The following GRID2 variants were observed in gnomAD, a reference collection of about 807,000 sequenced individuals.
GRID2 encodes the protein glutamate ionotropic receptor delta type subunit 2, also known as glutamate receptor ionotropic, delta-2.
In GRID2, 33 loss-of-function variants were observed where a neutral mutation model predicts 114.8. The ratio of observed to expected loss-of-function variants is 0.29; its 90% confidence interval spans 0.22 to 0.38. GRID2 has a LOEUF of 0.38. Ranked by LOEUF, GRID2 falls within the 10% of genes least tolerant of loss-of-function variation. GRID2 has a pLI of 1.00. For synonymous variants in GRID2, 505 were observed against 449.9 expected (o/e 1.12, Z -1.55); for missense variants, 1,184 against 1,257.7 (o/e 0.94, Z 0.89).
intron 2 of GRID2, among the ~76,000 whole-genome samples, chr4:92,643,951 AT>A (rs1731487367): frequency 6.6e-6 from 1 of 151,802 alleles, no homozygotes; most frequent in South Asian, 2.1e-4. Flanking sequence ...ATATTAGTAA[AT>A]TACTATACAC....
chr4:92,923,054 A>C (rs562876778), intron 2 of GRID2, among the ~76,000 whole-genome samples: 1 of 152,336 alleles, frequency 6.6e-6, no homozygotes, highest in Middle Eastern at 3.4e-3. Flanking sequence ...TACCTCAATA[A>C]AAAAGTTGTT....
At chr4:92,789,393 C>T (rs1209996551) in intron 2 of GRID2, among the ~76,000 whole-genome samples, 1 of 151,804 alleles carries the variant, frequency 6.6e-6, no homozygotes, top group Non-Finnish European at 1.5e-5. Flanking sequence ...TCAAATATAA[C>T]CTGACTTTTA....
chr4:93,543,724 G>T (rs1225506467), intron 13 of GRID2, among the ~76,000 whole-genome samples: 1 of 151,120 alleles, frequency 6.6e-6, no homozygotes, highest in Non-Finnish European at 1.5e-5. Context: ...GAGAGAGAGA[G>T]AGAGAGAGAG....
In GRID2 at chr4:92,526,029, C is replaced by G. The variant is rs550450758; in HGVS notation, c.89-64102C>G. ...CAGAGGTTCTATGGTTTGTAGGAAGCTGATCAAGTTAAGAGTAGATGGTAT... is the reference window on the plus strand; with the variant it reads ...CAGAGGTTCTATGGTTTGTAGGAAGGTGATCAAGTTAAGAGTAGATGGTAT... On this transcript the variant is annotated intron_variant, in intron 1 of 15. Coordinates refer to ENST00000282020, the MANE Select transcript of GRID2 (RefSeq NM_001510.4). Among the ~76,000 whole-genome samples, 43 of 152,058 alleles carry G rather than the reference C, an allele frequency of 2.8e-4. No homozygotes were observed. The South Asian group carries it at 8.9e-3, about 32-fold the overall frequency.
At chr4:92,385,742 T>G (rs1233374520) in intron 1 of GRID2, among the ~76,000 whole-genome samples, 1 of 151,590 alleles carries the variant, frequency 6.6e-6, no homozygotes, top group East Asian at 1.9e-4. Flanking sequence ...GTGTCCTACT[T>G]TTGTACATTT....
rs1200004401 is a variant in GRID2 at position 92,688,046 on chromosome 4, T to C, written c.244+97760T>C. ...GTTGACCCTTCTTCTTCTTTTTTTT[T>C]TTTTTTTTTTTTTTTTTTTTGGGAT... On this transcript the variant is annotated intron_variant, in intron 2 of 15. Transcript: ENST00000282020. Among the ~76,000 whole-genome samples the C allele has an allele frequency of 2.2e-4, 26 of 119,210 alleles. 1 individual carries two copies. Among genetic ancestry groups the C allele is most frequent in the African/African-American group, 4.2e-4 (13 of 31,014 alleles). 78.2% of individuals were successfully genotyped at this position (119,210 alleles called of 152,430 possible). A position where few individuals can be genotyped will look rare whatever the true frequency, so the allele number is the denominator to read the frequency against.
intron 1 of GRID2, among the ~76,000 whole-genome samples, chr4:92,529,527 T>C (rs1725226044): frequency 6.6e-6 from 1 of 152,006 alleles, no homozygotes; most frequent in Non-Finnish European, 1.5e-5. Flanking sequence ...AATTATCAGG[T>C]ACAAAGACAT....
rs565184618 is a variant in GRID2 at position 93,109,666 on chromosome 4, C to G, written c.530-1082C>G. The stretch of plus-strand genomic sequence containing the variant: ...CCTACAATCCCATTTACTTGTTTCT[C>G]TAGTATTTGCCCTTTAAATATTTTA... On this transcript the variant is annotated intron_variant, in intron 3 of 15. Coordinates refer to ENST00000282020, the MANE Select transcript of GRID2 (RefSeq NM_001510.4). 1.1e-4 allele frequency among the ~76,000 whole-genome samples: 16 copies of G among 152,038 alleles called. No individual in the cohort carries two copies. The South Asian group carries it at 3.3e-3, about 32-fold the overall frequency.
chr4:93,127,160 C>A (rs1195034659), intron 4 of GRID2, among the ~76,000 whole-genome samples: 1 of 152,084 alleles, frequency 6.6e-6, no homozygotes, highest in Non-Finnish European at 1.5e-5. Flanking sequence ...AGATCGTTTG[C>A]ATTTTATTTT....
intron 8 of GRID2, 51 bp from the exon 9 acceptor site, chr4:93,395,556 A>C (rs1765246834): frequency 1.2e-6 from 1 of 804,652 alleles, no homozygotes. Flanking sequence ...TACAGAGGTG[A>C]TGGGACTGTT....
chr4:93,682,959 A>T (rs1191694618), intron 14 of GRID2, among the ~76,000 whole-genome samples: 1 of 151,868 alleles, frequency 6.6e-6, no homozygotes, highest in African/African-American at 2.4e-5. Context: ...AAAGAAAAGA[A>T]AAACACCCGT....
At chr4:93,356,697 C>T (rs966926509) in intron 8 of GRID2, among the ~76,000 whole-genome samples, 20 of 151,784 alleles carry the variant, frequency 1.3e-4, no homozygotes, top group Admixed American at 3.3e-4. Context: ...TAAAACATAA[C>T]GTGTAAACAA....
chr4:92,533,184 G>T (rs370072366), intron 1 of GRID2, among the ~76,000 whole-genome samples: 7,132 of 142,340 alleles, frequency 0.05, 258 homozygotes, highest in Middle Eastern at 0.14. Context: ...ACTTTGGTGT[G>T]TTTTTTTGTT....
intron 2 of GRID2, among the ~76,000 whole-genome samples, chr4:92,894,404 A>G (rs1183176682): frequency 6.6e-6 from 1 of 152,108 alleles, no homozygotes; most frequent in Non-Finnish European, 1.5e-5. Context: ...GGCCAGGAGG[A>G]TAGACTATAA....
chr4:92,975,263 C>T (rs1303543760), intron 2 of GRID2, among the ~76,000 whole-genome samples: 2 of 147,284 alleles, frequency 1.4e-5, no homozygotes, highest in Admixed American at 6.9e-5. Context: ...TTCTGTAAGA[C>T]GTGAAACTGA....
chr4:93,122,374 C>T (rs1299832060), intron 4 of GRID2, among the ~76,000 whole-genome samples: 1 of 152,070 alleles, frequency 6.6e-6, no homozygotes, highest in Non-Finnish European at 1.5e-5. Context: ...GCTTCCAATA[C>T]CCATTAATAA....
intron 2 of GRID2, among the ~76,000 whole-genome samples, chr4:92,611,044 A>G (rs1729702146): frequency 9.0e-6 from 1 of 110,500 alleles, no homozygotes; most frequent in Admixed American, 8.9e-5. Context: ...GTGTGTGTGT[A>G]GCTGTATATA....
At chr4:92,382,293 A>G (rs928589461) in intron 1 of GRID2, among the ~76,000 whole-genome samples, 5 of 152,026 alleles carry the variant, frequency 3.3e-5, no homozygotes, top group Non-Finnish European at 5.9e-5. Context: ...TAGCACCCAT[A>G]CAAAAGAAAG....
At chr4:92,454,929 C>T (rs1184186179) in intron 1 of GRID2, among the ~76,000 whole-genome samples, 2 of 152,140 alleles carry the variant, frequency 1.3e-5, no homozygotes, top group African/African-American at 4.8e-5. Context: ...TCAGATAAAA[C>T]CAAACTAGAG....
Sources: gnomAD v4.1 joint callset for allele counts (sites outside exome capture counted in the v4.1 genomes callset) on GRCh38, gnomAD v4.1.1 for gene constraint, MANE v1.5 for transcripts, NCBI Gene and HGNC (gene_info 2026-07-23, HGNC 2026-07-21) for gene names.